Variants in BOD1L1 observed in about 807,000 individuals in gnomAD.
BOD1L1 encodes the protein biorientation of chromosomes in cell division protein 1-like 1.
In BOD1L1, 86 loss-of-function variants were observed where a neutral mutation model predicts 240.7. The ratio of observed to expected loss-of-function variants is 0.36; its 90% CI spans 0.30 to 0.43. The LOEUF (loss-of-function observed/expected upper bound fraction) is 0.43. Among genes scored for constraint, BOD1L1 ranks in the 20% least tolerant of loss-of-function variants. BOD1L1 has a pLI of 1.00. For synonymous variants in BOD1L1, 1,268 were observed against 1,272.3 expected (o/e 1.00, Z 0.07); for missense variants, 3,554 against 3,643.5 (o/e 0.98, Z 0.63).
At position 13,610,944 on chromosome 4, in the gene BOD1L1, C is replaced by T. The variant is rs567874148; in HGVS notation, c.1481G>A (p.Arg494Gln). The change falls in exon 6 of 26, where the codon CGA (arginine) becomes CAA (glutamine). Residue 494 changes from arginine (R) to glutamine (Q), a missense_variant. This residue lies in a region of BOD1L1 where 3,393 missense variants were observed against 3,427.1 expected (regional missense o/e 0.99). Coordinates refer to ENST00000040738, the MANE Select transcript of BOD1L1 (RefSeq NM_148894.3). ...ACAAACTGGACTTACAATGGACTGT[C>T]GTCGTTGTTCTACAGTAAGCTCATC... ...SDDELTVEQR[R>Q]QSIAKEKEER... The T allele has an allele frequency of 5.6e-6, 9 of 1,601,438 alleles. No homozygotes were observed. Among genetic ancestry groups the T allele is most frequent in the East Asian group, 2.2e-5 (1 of 44,720 alleles).
In BOD1L1 at chr4:13,603,687, G is replaced by A. The variant is rs1486171607; in HGVS notation, c.3213C>T (p.Cys1071=). 18 of 1,613,710 alleles carry A rather than the reference G, an allele frequency of 1.1e-5. No homozygotes were observed. Among genetic ancestry groups the A allele is most frequent in the African/African-American group, 2.7e-5 (2 of 74,950 alleles). The change falls in exon 10 of 26, where the codon TGC becomes TGT. Residue 1071 remains cysteine (C), a synonymous_variant. Transcript: ENST00000040738. ...GTGACAAGCTTCCTCTCCGATTTTC[G>A]CACAACCTTCTACTTAATTTCTTTT... is the stretch of plus-strand genomic sequence containing the variant. The part of the protein sequence containing the change: ...LMEKKLSRRL[C]ENRRGSLSQE...
At chr4:13,584,839 A>C (rs1713544719) in intron 17 of BOD1L1, among the ~76,000 whole-genome samples, 1 of 152,178 alleles carries the variant, frequency 6.6e-6, no homozygotes, top group Non-Finnish European at 1.5e-5. Context: ...CATATTTACT[A>C]CACAGAAAAC....
In BOD1L1 at chr4:13,605,081, A is replaced by C; in HGVS notation, c.1819T>G (p.Cys607Gly). The change falls in exon 10 of 26, where the codon TGT becomes GGT. Residue 607 changes from cysteine to glycine, a missense_variant. Cys to Gly is a radical substitution (Grantham distance 159, BLOSUM62 -3). Transcript: ENST00000040738. ...GAAGAAGAAATTTTTTCCTTTTCAC[A>C]ATGCTGAAAGAAAACAAAGGTTAAA... ...SKETLKTSEHCEKEKISSSKE... is the reference protein window; with the variant it reads ...SKETLKTSEHGEKEKISSSKE... 1.3e-6 allele frequency: 2 copies of C among 1,540,282 alleles called. No homozygotes were observed. The highest frequency in any genetic ancestry group is 4.8e-5 in the Admixed American group (2 of 42,026).
chr4:13,597,133 A>C lies in BOD1L1; in HGVS notation c.7990T>G (p.Leu2664Val). 2 of 1,595,600 alleles carry C rather than the reference A, an allele frequency of 1.3e-6. No homozygotes were observed. Among genetic ancestry groups the C allele is most frequent in the Non-Finnish European group, 1.7e-6 (2 of 1,169,924 alleles). ...EESPLNVLGG[L>V]KLKANLKMEA... ...ATTTTCAAGTTGGCTTTCAGTTTCAATCCTCCCAAAACATTCAATGGAGAC... is the reference window on the plus strand; with the variant it reads ...ATTTTCAAGTTGGCTTTCAGTTTCACTCCTCCCAAAACATTCAATGGAGAC... The change falls in exon 11 of 26, where the codon TTG becomes GTG. Residue 2664 changes from leucine (L) to valine (V), a missense_variant. Physicochemically the swap from Leu to Val is conservative, Grantham distance 32. Around this residue, in one of 2 missense-constraint regions of BOD1L1, gnomAD observed 3,393 missense variants for 3,427.1 expected, o/e 0.99. Coordinates refer to ENST00000040738, the MANE Select transcript of BOD1L1 (RefSeq NM_148894.3).
At chr4:13,584,330 G>C (rs187034811) in intron 17 of BOD1L1, among the ~76,000 whole-genome samples, 3 of 151,970 alleles carry the variant, frequency 2.0e-5, no homozygotes, top group Admixed American at 2.0e-4. Flanking sequence ...TTCAGCTCAG[G>C]ACCTCTTCAA....
intron 21 of BOD1L1, 112 bp from the exon 22 acceptor site, chr4:13,580,085 G>GT: frequency 1.4e-6 from 1 of 717,768 alleles, no homozygotes; most frequent in Non-Finnish European, 2.3e-6. Context: ...TTACATAGGC[G>GT]TATTTGAGAC....
chr4:13,627,477 G>GCCCGCA lies in BOD1L1; in HGVS notation c.110_111insTGCGGG (p.Ala38_Gly39dup). The GCCCGCA allele has an allele frequency of 2.0e-6, 2 of 1,021,158 alleles. No homozygotes were observed. Among genetic ancestry groups the GCCCGCA allele is most frequent in the South Asian group, 8.3e-5 (2 of 23,956 alleles). The allele number at this position is 1,021,158 out of a possible 1,614,324, so 63.3% of individuals were successfully genotyped here. A position where few individuals can be genotyped will look rare whatever the true frequency, so the allele number is the denominator to read the frequency against. On this transcript the variant is annotated inframe_insertion, in exon 1 of 26. Transcript: ENST00000040738. Reference sequence around the variant, plus strand: ...CACCCGCGCCGCCCGCCCCGCCCGCGCCGGGGCCAGCCCCGGGGCCCGGCG... The same window carrying GCCCGCA: ...CACCCGCGCCGCCCGCCCCGCCCGCGCCCGCACCGGGGCCAGCCCCGGGGCCCGGCG...
Position 13,590,410 on chromosome 4 carries a change from G to A in BOD1L1, c.8185C>T (p.His2729Tyr), listed in dbSNP as rs1157714013. The change falls in exon 14 of 26, where the codon CAT (histidine) becomes TAT (tyrosine). Residue 2729 changes from histidine (H) to tyrosine (Y), a missense_variant. By Grantham distance (83) the His-to-Tyr change is moderately conservative (BLOSUM62 2). This residue lies in a region of BOD1L1 where 3,393 missense variants were observed against 3,427.1 expected (regional missense o/e 0.99). Transcript: ENST00000040738. ...NSGFRTNEEI[H>Y]SESYNKGEIS... ...CCTCCTTTGTTATAAGATTCGCTATGAATTTCTTCATTTGTTCTGAAGCCT... is the reference window on the plus strand; with the variant it reads ...CCTCCTTTGTTATAAGATTCGCTATAAATTTCTTCATTTGTTCTGAAGCCT... 3.3e-6 allele frequency: 5 copies of A among 1,515,804 alleles called. No homozygotes were observed. Among genetic ancestry groups the A allele is most frequent in the Non-Finnish European group, 4.5e-6 (5 of 1,106,322 alleles). 93.9% of individuals were successfully genotyped at this position (1,515,804 alleles called of 1,614,324 possible).
rs201474701 is a variant in BOD1L1 at position 13,588,185 on chromosome 4, CAAAAAAAAAAAA to C, written c.8281-426_8281-415del. On this transcript the variant is annotated intron_variant, in intron 15 of 25. Coordinates refer to ENST00000040738, the MANE Select transcript of BOD1L1 (RefSeq NM_148894.3). Reference sequence around the variant, plus strand: ...CCCGTGCAACAGGGGGAGACTGTTTCAAAAAAAAAAAAAAAAAGAAAAAAAAATCTAGAACAC... The same window carrying C: ...CCCGTGCAACAGGGGGAGACTGTTTCAAAAAGAAAAAAAAATCTAGAACAC... Among the ~76,000 whole-genome samples, 3 of 76,492 alleles carry C rather than the reference CAAAAAAAAAAAA, an allele frequency of 3.9e-5. No individual in the cohort carries two copies. The East Asian group carries it at 1.4e-3, about 36-fold the overall frequency. The allele number at this position is 76,492 out of a possible 152,430, so 50.2% of individuals were successfully genotyped here. A position where few individuals can be genotyped will look rare whatever the true frequency, so the allele number is the denominator to read the frequency against.
chr4:13,590,944 C>T (rs1279758166), intron 13 of BOD1L1, among the ~76,000 whole-genome samples: 1 of 151,922 alleles, frequency 6.6e-6, no homozygotes, highest in Non-Finnish European at 1.5e-5. Flanking sequence ...CATTTATGCT[C>T]GACTGGGGAA....
chr4:13,619,797 T>C, intron 2 of BOD1L1, 146 bp downstream of exon 2: 1 of 1,000,482 alleles, frequency 1.0e-6, no homozygotes, highest in Non-Finnish European at 1.4e-6. Flanking sequence ...TCCAAAATTA[T>C]GCTACATCAC....
intron 6 of BOD1L1, among the ~76,000 whole-genome samples, chr4:13,609,774 AGG>A (rs1212228822): frequency 3.3e-5 from 5 of 152,220 alleles, no homozygotes; most frequent in African/African-American, 1.2e-4. Flanking sequence ...AAGTATATAT[AGG>A]TAGGTGTTTA....
chr4:13,609,343 G>C lies in BOD1L1; in HGVS notation c.1555C>G (p.Arg519Gly). The change falls in exon 7 of 26, where the codon CGA becomes GGA. Residue 519 changes from arginine (R) to glycine (G), a missense_variant. Arg to Gly is a moderately radical substitution (Grantham distance 125). Coordinates refer to ENST00000040738, the MANE Select transcript of BOD1L1 (RefSeq NM_148894.3). ...QINREKLEEK[R>G]KQKAEKTKSS... ...TTTGTCTTTTCTGCTTTCTGTTTTCGTTTTTCTTCAAGTTTTTCTCTATTG... is the reference window on the plus strand; with the variant it reads ...TTTGTCTTTTCTGCTTTCTGTTTTCCTTTTTCTTCAAGTTTTTCTCTATTG... 2 of 1,555,482 alleles carry C rather than the reference G, an allele frequency of 1.3e-6. No homozygotes were observed. The highest frequency in any genetic ancestry group is 1.7e-6 in the Non-Finnish European group (2 of 1,152,894).
chr4:13,608,568 T>C lies in BOD1L1; in HGVS notation c.1704A>G (p.Lys568=), dbSNP rs1715904427. Residue 568 remains lysine (K), a synonymous_variant, in exon 8 of 26, where the codon AAA becomes AAG. Transcript: ENST00000040738. ...TTCTCTTTTTGCTTAAGGCTACTTT[T>C]TTTTCTAAAACTTTCCGTTCTTTAA... The part of the protein sequence containing the change: ...EVLKERKVLE[K]KVALSKKRKK... 2 of 1,545,078 alleles carry C rather than the reference T, an allele frequency of 1.3e-6. No homozygotes were observed. Among genetic ancestry groups the C allele is most frequent in the African/African-American group, 1.4e-5 (1 of 71,884 alleles).
chr4:13,620,118 T>G (rs904854426), intron 1 of BOD1L1, 51 bp from the exon 2 acceptor site: 1 of 1,504,504 alleles, frequency 6.6e-7, no homozygotes, highest in African/African-American at 1.4e-5. Flanking sequence ...AGTATCAATA[T>G]TCACCTCTCA....
intron 25 of BOD1L1, chr4:13,572,868 G>A: frequency 7.8e-7 from 1 of 1,288,698 alleles, no homozygotes; most frequent in Non-Finnish European, 1.0e-6. Flanking sequence ...GAAACACTGG[G>A]CAATGGTAGC....
chr4:13,583,755 T>C (rs570099147), intron 17 of BOD1L1, among the ~76,000 whole-genome samples: 1 of 152,352 alleles, frequency 6.6e-6, no homozygotes, highest in South Asian at 2.1e-4. Flanking sequence ...CTTTGTCTTA[T>C]GGGGTTTTTT....
intron 5 of BOD1L1, among the ~76,000 whole-genome samples, chr4:13,612,896 C>T (rs1716291270): frequency 6.6e-6 from 1 of 152,196 alleles, no homozygotes; most frequent in African/African-American, 2.4e-5. Flanking sequence ...GATCCCAAGG[C>T]TCTGGTGAAC....
intron 25 of BOD1L1, among the ~76,000 whole-genome samples, chr4:13,576,131 ACCTCGTGATTCG>A (rs2108881688): frequency 6.6e-6 from 1 of 151,458 alleles, no homozygotes; most frequent in African/African-American, 2.4e-5. Flanking sequence ...CGATCTCCGG[ACCTCGTGATTCG>A]CCTGCCTTGG....
Sources: gnomAD v4.1 joint callset for allele counts (sites outside exome capture counted in the v4.1 genomes callset) on GRCh38, gnomAD v4.1.1 for gene constraint, gnomAD v4.1.1 regional missense constraint, MANE v1.5 for transcripts, NCBI Gene and HGNC (gene_info 2026-07-23, HGNC 2026-07-21) for gene names.